TMEM87A: variants seen among roughly 807,000 people sequenced by gnomAD.
TMEM87A encodes the protein Golgi-pH regulating cation channel.
In TMEM87A, 50 loss-of-function variants were observed where a neutral mutation model predicts 90.0. The ratio of observed to expected loss-of-function variants is 0.56; its 90% CI spans 0.44 to 0.70. TMEM87A has a LOEUF of 0.70. TMEM87A is among the 30% of genes least tolerant of loss of function. The probability of loss-of-function intolerance (pLI) is 0.00; values close to 1 mark genes in which losing one functional copy is unlikely to be tolerated. For missense variants in TMEM87A, 577 were observed against 660.5 expected, an observed-to-expected ratio of 0.87 and a Z score of 1.39; for synonymous variants, 226 against 226.7, an observed-to-expected ratio of 1.00 and a Z score of 0.03.
intron 11 of TMEM87A, 94 bp downstream of exon 11, chr15:42,233,119 A>T (rs568302254): frequency 9.5e-7 from 1 of 1,057,494 alleles, no homozygotes; most frequent in South Asian, 1.5e-5. Flanking sequence ...TAAAGCAAAC[A>T]GAAAGAAGCC....
intron 6 of TMEM87A, 26 bp downstream of exon 6, chr15:42,260,932 T>A: frequency 6.2e-7 from 1 of 1,603,418 alleles, no homozygotes; most frequent in Non-Finnish European, 8.5e-7. Context: ...ATGTGTTCAA[T>A]GCCCCAAATC....
At chr15:42,257,398 C>A (rs923336204) in intron 6 of TMEM87A, among the ~76,000 whole-genome samples, 1 of 152,134 alleles carries the variant, frequency 6.6e-6, no homozygotes, top group Non-Finnish European at 1.5e-5. Context: ...AGGCTCCCCC[C>A]TTCACCTTCC....
At chr15:42,221,307 G>C (rs970415800) in intron 15 of TMEM87A, among the ~76,000 whole-genome samples, 1 of 151,422 alleles carries the variant, frequency 6.6e-6, no homozygotes, top group African/African-American at 2.4e-5. Flanking sequence ...CAGAGAGAGA[G>C]AGACAGAGAG....
rs1595698127 is a variant in TMEM87A at position 42,211,654 on chromosome 15, A to G, written c.*54T>C. ...GGAGCCGTACAGAAGACTGACACAG[A>G]TGCTGATCTCTTCCCTGATGGTAGC... On this transcript the variant is annotated 3_prime_UTR_variant, in exon 20 of 20. Coordinates refer to ENST00000389834, the MANE Select transcript of TMEM87A (RefSeq NM_015497.5). The G allele has an allele frequency of 6.5e-7, 1 of 1,545,514 alleles. No individual in the cohort carries two copies. Among genetic ancestry groups the G allele is most frequent in the South Asian group, 1.1e-5 (1 of 89,108 alleles).
chr15:42,273,142 G>A lies in TMEM87A; in HGVS notation c.144+113C>T, dbSNP rs147651205. 8 of 1,364,698 alleles carry A rather than the reference G, an allele frequency of 5.9e-6. No homozygotes were observed. In the African/African-American group the frequency reaches 1.0e-4, roughly 17 times the overall value. The allele number at this position is 1,364,698 out of a possible 1,614,324, so 84.5% of individuals were successfully genotyped here. A position where few individuals can be genotyped will look rare whatever the true frequency, so the allele number is the denominator to read the frequency against. ...TTGGCTAGCCACACAGACCATCCCA[G>A]CAACCCCACCCCTTTTGAAGAGACT... is the stretch of plus-strand genomic sequence containing the variant. On this transcript the variant is annotated intron_variant, in intron 1 of 19. Coordinates refer to ENST00000389834, the MANE Select transcript of TMEM87A (RefSeq NM_015497.5).
intron 11 of TMEM87A, among the ~76,000 whole-genome samples, chr15:42,232,579 T>C (rs2140935567): frequency 6.6e-6 from 1 of 152,094 alleles, no homozygotes; most frequent in South Asian, 2.1e-4. Flanking sequence ...GTTCACACCA[T>C]TCTCCTGCCT....
chr15:42,217,440 T>C (rs1487231813), intron 19 of TMEM87A, among the ~76,000 whole-genome samples: 1 of 152,240 alleles, frequency 6.6e-6, no homozygotes, highest in Non-Finnish European at 1.5e-5. Flanking sequence ...CTATATTCCT[T>C]TCTCAATATT....
intron 10 of TMEM87A, among the ~76,000 whole-genome samples, chr15:42,235,954 A>G (rs1263714214): frequency 6.6e-6 from 1 of 152,230 alleles, no homozygotes; most frequent in Non-Finnish European, 1.5e-5. Context: ...TTTTTTGGAT[A>G]GAAAAATATT....
At chr15:42,239,182 A>G (rs1482575751) in intron 8 of TMEM87A, among the ~76,000 whole-genome samples, 1 of 152,126 alleles carries the variant, frequency 6.6e-6, no homozygotes, top group East Asian at 1.9e-4. Context: ...CTGGGACTAC[A>G]GGCGCCTACC....
At chr15:42,260,638 A>G (rs2140978294) in intron 6 of TMEM87A, among the ~76,000 whole-genome samples, 1 of 152,316 alleles carries the variant, frequency 6.6e-6, no homozygotes, top group Non-Finnish European at 1.5e-5. Flanking sequence ...TCTTTCAATT[A>G]TATTTTATCA....
At chr15:42,220,462 A>C (rs2050457571) in intron 15 of TMEM87A, among the ~76,000 whole-genome samples, 1 of 152,236 alleles carries the variant, frequency 6.6e-6, no homozygotes, top group Non-Finnish European at 1.5e-5. Context: ...TTGTAAAAGT[A>C]AGTCGTTACA....
chr15:42,244,644 AT>A (rs1266115978), intron 6 of TMEM87A, among the ~76,000 whole-genome samples: 3 of 150,632 alleles, frequency 2.0e-5, no homozygotes, highest in Non-Finnish European at 4.4e-5. Flanking sequence ...TTCTGCTGAC[AT>A]GGTCTCACAT....
At chr15:42,273,220 C>A (rs543349213) in intron 1 of TMEM87A, 35 bp downstream of exon 1, 10 of 1,612,724 alleles carry the variant, frequency 6.2e-6, no homozygotes, top group African/African-American at 2.7e-5. Context: ...CCCCTTGCTC[C>A]TCTAGGTTCA....
rs773746117 is a variant in TMEM87A, at chr15:42,273,348, C to T, written c.51G>A (p.Leu17=). The T allele has an allele frequency of 8.9e-5, 144 of 1,614,014 alleles. No homozygotes were observed. The highest frequency in any genetic ancestry group is 1.2e-4 in the Non-Finnish European group (141 of 1,180,046). The stretch of plus-strand genomic sequence containing the variant: ...ACGACAGTGGTGACGGGTGAGCTCC[C>T]AGAAGCAGAAGAATGACAGGCAACA... ...LQVLPVILLL[L]GAHPSPLSFF... The change falls in exon 1 of 20, where the codon CTG becomes CTA. Residue 17 remains leucine, a synonymous_variant. Transcript: ENST00000389834.
chr15:42,248,046 C>T (rs1331025695), intron 6 of TMEM87A, among the ~76,000 whole-genome samples: 2 of 152,112 alleles, frequency 1.3e-5, no homozygotes, highest in African/African-American at 2.4e-5. Flanking sequence ...CTCTTTGTAG[C>T]AATTGTGAAT....
chr15:42,228,802 G>C lies in TMEM87A; in HGVS notation c.1150C>G (p.Gln384Glu), dbSNP rs2050639633. Reference sequence around the variant, plus strand: ...CGAAGTTTTAATAGCTTCATTGTTTGAGTCAGGCTAATAAATATGTGTTTG... The same window carrying C: ...CGAAGTTTTAATAGCTTCATTGTTTCAGTCAGGCTAATAAATATGTGTTTG... ...LCWWIFISLT[Q>E]TMKLLKLRRN... is the part of the protein sequence containing the mutation. The change falls in exon 13 of 20, where the codon CAA becomes GAA. Residue 384 changes from glutamine (Q) to glutamate (E), a missense_variant. By Grantham distance (29) the Gln-to-Glu change is conservative. Transcript: ENST00000389834. 4 of 1,597,638 alleles carry C rather than the reference G, an allele frequency of 2.5e-6. No homozygotes were observed. The South Asian group carries it at 3.4e-5, about 14-fold the overall frequency.
chr15:42,239,192 C>T (rs1001244818), intron 8 of TMEM87A, among the ~76,000 whole-genome samples: 1 of 152,130 alleles, frequency 6.6e-6, no homozygotes, highest in Non-Finnish European at 1.5e-5. Flanking sequence ...AGGCGCCTAC[C>T]ACCACGCCCA....
chr15:42,243,746 C>G (rs1269625606), intron 7 of TMEM87A, among the ~76,000 whole-genome samples: 1 of 151,790 alleles, frequency 6.6e-6, no homozygotes, highest in Admixed American at 6.6e-5. Context: ...CTTAAAACTC[C>G]CGACCTCATG....
intron 10 of TMEM87A, among the ~76,000 whole-genome samples, chr15:42,235,309 G>T (rs374440961): frequency 1.3e-5 from 2 of 152,184 alleles, no homozygotes; most frequent in African/African-American, 4.8e-5. Flanking sequence ...AAAGTGTGAG[G>T]ATTATGGCGT....
Sources: allele counts gnomAD v4.1 joint callset (sites outside exome capture counted in the v4.1 genomes callset), GRCh38; gene constraint gnomAD v4.1.1; transcripts MANE v1.5; gene names NCBI Gene and HGNC (gene_info 2026-07-23, HGNC 2026-07-21).